Variants in MACROD2 observed in about 807,000 individuals in gnomAD.
MACROD2 encodes ADP-ribose glycohydrolase MACROD2.
MACROD2 carries 36 observed loss-of-function variants against 70.4 expected under a neutral mutation model. That is an observed-to-expected ratio of 0.51 (90% CI 0.39 to 0.68). MACROD2 has a LOEUF of 0.68. MACROD2 is among the 30% of genes least tolerant of loss of function. The probability of loss-of-function intolerance (pLI) is 0.00; values close to 1 mark genes in which losing one functional copy is unlikely to be tolerated. For missense variants in MACROD2, 496 were observed against 538.4 expected (o/e 0.92, Z 0.78); for synonymous variants, 172 against 178.8 (o/e 0.96, Z 0.30).
intron 3 of MACROD2, among the ~76,000 whole-genome samples, chr20:14,189,696 A>C (rs757545793): frequency 3.9e-5 from 6 of 152,224 alleles, no homozygotes; most frequent in African/African-American, 7.2e-5. Flanking sequence ...TTCCTTGAAA[A>C]GGCAACTTCT....
At chr20:14,512,440 T>C (rs1174272337) in intron 4 of MACROD2, among the ~76,000 whole-genome samples, 1 of 152,058 alleles carries the variant, frequency 6.6e-6, no homozygotes, top group Non-Finnish European at 1.5e-5. Flanking sequence ...ATTAGGGCCA[T>C]GTTAGACTGA....
chr20:15,707,043 C>G (rs1314918253), intron 8 of MACROD2, among the ~76,000 whole-genome samples: 1 of 152,146 alleles, frequency 6.6e-6, no homozygotes, highest in African/African-American at 2.4e-5. Context: ...GATAAAAAGT[C>G]ATGGTTCTTC....
chr20:14,105,508 T>C (rs140153589), intron 3 of MACROD2, among the ~76,000 whole-genome samples: 108 of 152,238 alleles, frequency 7.1e-4, no homozygotes, highest in Non-Finnish European at 1.4e-3. Context: ...TTGAGCTTCT[T>C]AGTAGACCTC....
rs533556586 is a variant in MACROD2, at chr20:15,553,102, T to A, written c.645+53255T>A. On this transcript the variant is annotated intron_variant, in intron 8 of 17. Coordinates refer to ENST00000684519, the MANE Select transcript of MACROD2 (RefSeq NM_001351661.2). ...TGCACAGGAAATTATTCTTTTTAGA[T>A]CTATTAACAGGCAACTGGTAAATTT... is the stretch of plus-strand genomic sequence containing the variant. Among the ~76,000 whole-genome samples the A allele has an allele frequency of 3.3e-5, 5 of 152,276 alleles. No homozygotes were observed. In the East Asian group the frequency reaches 9.7e-4, roughly 29 times the overall value.
At chr20:14,285,047 C>T (rs1403878705) in intron 3 of MACROD2, among the ~76,000 whole-genome samples, 1 of 151,208 alleles carries the variant, frequency 6.6e-6, no homozygotes, top group African/African-American at 2.4e-5. Flanking sequence ...CTATAGTAAC[C>T]AACAAAGCCC....
intron 8 of MACROD2, among the ~76,000 whole-genome samples, chr20:15,674,231 G>C (rs2050023952): frequency 6.6e-6 from 1 of 152,122 alleles, no homozygotes; most frequent in Non-Finnish European, 1.5e-5. Context: ...GATGCTATAA[G>C]GGAGAACGGA....
intron 5 of MACROD2, among the ~76,000 whole-genome samples, chr20:14,891,998 TA>T (rs1393019630): frequency 7.2e-6 from 1 of 139,776 alleles, no homozygotes; most frequent in Non-Finnish European, 1.6e-5. Flanking sequence ...TCAATGATTT[TA>T]AACATAATTT....
At chr20:15,255,241 G>A (rs1318510694) in intron 6 of MACROD2, among the ~76,000 whole-genome samples, 1 of 151,836 alleles carries the variant, frequency 6.6e-6, no homozygotes, top group Non-Finnish European at 1.5e-5. Flanking sequence ...AAGATTCTGA[G>A]GTTTTATTGA....
At chr20:15,216,420 GA>G (rs1407987244) in intron 5 of MACROD2, among the ~76,000 whole-genome samples, 1 of 151,120 alleles carries the variant, frequency 6.6e-6, no homozygotes, top group Non-Finnish European at 1.5e-5. Flanking sequence ...CTGGAAAGGA[GA>G]AAAAATAAAA....
chr20:15,029,483 A>C (rs1029632622), intron 5 of MACROD2, among the ~76,000 whole-genome samples: 2 of 152,182 alleles, frequency 1.3e-5, no homozygotes, highest in African/African-American at 4.8e-5. Context: ...AAGGACTTAG[A>C]ATTTTCATAT....
chr20:15,979,428 A>G (rs2066362175), intron 13 of MACROD2, among the ~76,000 whole-genome samples: 1 of 152,154 alleles, frequency 6.6e-6, no homozygotes, highest in Non-Finnish European at 1.5e-5. Context: ...TGGTGGGAAC[A>G]TACACTTGTC....
intron 15 of MACROD2, among the ~76,000 whole-genome samples, chr20:16,032,620 C>T (rs543045522): frequency 7.4e-6 from 1 of 134,314 alleles, no homozygotes; most frequent in Non-Finnish European, 1.6e-5. Context: ...GAAGGAGGGA[C>T]AAAAAGAAGG....
chr20:15,615,845 G>A (rs2049029884), intron 8 of MACROD2, among the ~76,000 whole-genome samples: 1 of 152,162 alleles, frequency 6.6e-6, no homozygotes, highest in Admixed American at 6.5e-5. Context: ...GCCCTGAGAT[G>A]CACATTATGA....
At chr20:15,845,987 A>C (rs1373846871) in intron 8 of MACROD2, among the ~76,000 whole-genome samples, 1 of 152,202 alleles carries the variant, frequency 6.6e-6, no homozygotes, top group Non-Finnish European at 1.5e-5. Flanking sequence ...GGCCTGTCTA[A>C]AACAGGTTTT....
At chr20:14,243,485 A>T (rs2081945474) in intron 3 of MACROD2, among the ~76,000 whole-genome samples, 1 of 152,178 alleles carries the variant, frequency 6.6e-6, no homozygotes, top group African/African-American at 2.4e-5. Flanking sequence ...TATTCCATAT[A>T]TATAATTATT....
rs1173550515 is a variant in MACROD2 at position 15,733,567 on chromosome 20, A to G, written c.646-129178A>G. 2.0e-5 allele frequency among the ~76,000 whole-genome samples: 3 copies of G among 152,210 alleles called. No homozygotes were observed. In the South Asian group the frequency reaches 6.2e-4, roughly 32 times the overall value. ...AAATTGATGTTTTAGTTTAATTTTT[A>G]TTTACTTTAAAATACTTTTAAATAT... On this transcript the variant is annotated intron_variant, in intron 8 of 17. Transcript: ENST00000684519.
chr20:15,071,351 A>G (rs1245268602), intron 5 of MACROD2, among the ~76,000 whole-genome samples: 1 of 152,180 alleles, frequency 6.6e-6, no homozygotes, highest in Non-Finnish European at 1.5e-5. Flanking sequence ...GGATCTTGAG[A>G]CATGTAATTT....
intron 6 of MACROD2, among the ~76,000 whole-genome samples, chr20:15,251,827 A>C (rs2077158309): frequency 6.6e-6 from 1 of 152,228 alleles, no homozygotes; most frequent in Non-Finnish European, 1.5e-5. Context: ...CAACCTAAAA[A>C]ATGTAAATAC....
intron 5 of MACROD2, among the ~76,000 whole-genome samples, chr20:14,965,461 T>C (rs935925890): frequency 1.7e-4 from 22 of 128,018 alleles, no homozygotes; most frequent in South Asian, 2.9e-4. Context: ...TTCTTTTTTT[T>C]TTTTTTTTTT....
Sources: allele counts gnomAD v4.1 joint callset (sites outside exome capture counted in the v4.1 genomes callset), GRCh38; gene constraint gnomAD v4.1.1; transcripts MANE v1.5; gene names NCBI Gene and HGNC (gene_info 2026-07-23, HGNC 2026-07-21).